The following EXOC4 variants were observed in gnomAD, a reference collection of about 807,000 sequenced individuals.
The protein encoded by EXOC4 is exocyst complex component 4.
In EXOC4, 71 loss-of-function variants were observed where a neutral mutation model predicts 107.2. The ratio of observed to expected loss-of-function variants is 0.66; its 90% CI spans 0.55 to 0.81. The LOEUF (loss-of-function observed/expected upper bound fraction) is 0.81, where lower values mean the gene tolerates loss of function less well. Ranked by LOEUF, EXOC4 falls within the 30% of genes least tolerant of loss-of-function variation. The probability of loss-of-function intolerance (pLI) is 0.00; values close to 1 mark genes in which losing one functional copy is unlikely to be tolerated. For missense variants in EXOC4, 1,108 were observed against 1,189.6 expected, an observed-to-expected ratio of 0.93 and a Z score of 1.01; for synonymous variants, 456 against 441.2, an observed-to-expected ratio of 1.03 and a Z score of -0.42.
At chr7:133,329,661 T>G (rs1354188357) in intron 5 of EXOC4, among the ~76,000 whole-genome samples, 3 of 152,206 alleles carry the variant, frequency 2.0e-5, no homozygotes, top group African/African-American at 7.2e-5. Context: ...GTGTTAGTTT[T>G]CCTTCTAACA....
intron 9 of EXOC4, among the ~76,000 whole-genome samples, chr7:133,489,323 A>G (rs958956114): frequency 2.0e-5 from 3 of 152,210 alleles, no homozygotes; most frequent in Non-Finnish European, 2.9e-5. Context: ...GCACTCATAC[A>G]TTTCATAAAA....
rs765864133 is a variant in EXOC4, at chr7:133,317,370, C to T, written c.743C>T (p.Ser248Phe). The change falls in exon 5 of 18, where the codon TCT becomes TTT. Residue 248 changes from serine (S) to phenylalanine (F), a missense_variant. Ser to Phe is a radical substitution (Grantham distance 155). Transcript: ENST00000253861. The stretch of plus-strand genomic sequence containing the variant: ...AAATTCCTTGATACCTCTCACTATT[C>T]TACTGCTGGAAGCTCAAGTGGTAAG... ...PRKFLDTSHYSTAGSSSVREI... is the reference protein window; with the variant it reads ...PRKFLDTSHYFTAGSSSVREI... The T allele has an allele frequency of 3.7e-6, 6 of 1,607,568 alleles. No homozygotes were observed. The highest frequency in any genetic ancestry group is 5.1e-6 in the Non-Finnish European group (6 of 1,174,136).
chr7:133,698,739 A>G (rs913819633), intron 10 of EXOC4, among the ~76,000 whole-genome samples: 25 of 152,096 alleles, frequency 1.6e-4, no homozygotes, highest in Non-Finnish European at 3.5e-4. Context: ...TATGGCAAGT[A>G]TGTTGGCTAT....
At chr7:133,996,980 A>T (rs950805510) in intron 14 of EXOC4, among the ~76,000 whole-genome samples, 2 of 152,212 alleles carry the variant, frequency 1.3e-5, no homozygotes, top group African/African-American at 4.8e-5. Flanking sequence ...GTAAAATTAG[A>T]GCCAATGATT....
At chr7:133,509,688 G>T (rs1473035906) in intron 9 of EXOC4, among the ~76,000 whole-genome samples, 2 of 152,148 alleles carry the variant, frequency 1.3e-5, no homozygotes, top group Non-Finnish European at 2.9e-5. Context: ...TGTCAAATTG[G>T]AGAGAGAAAT....
At chr7:134,045,485 G>A (rs1335740004) in intron 17 of EXOC4, among the ~76,000 whole-genome samples, 1 of 152,174 alleles carries the variant, frequency 6.6e-6, no homozygotes, top group Non-Finnish European at 1.5e-5. Context: ...AGGAGAACAT[G>A]GAACTGCAGC....
At chr7:133,758,048 A>C (rs1014354880) in intron 10 of EXOC4, among the ~76,000 whole-genome samples, 2 of 152,178 alleles carry the variant, frequency 1.3e-5, no homozygotes, top group African/African-American at 2.4e-5. Context: ...TTGCTAGACT[A>C]TTTAGGAAAA....
chr7:133,506,030 A>G (rs1305919042), intron 9 of EXOC4, among the ~76,000 whole-genome samples: 3 of 152,198 alleles, frequency 2.0e-5, no homozygotes, highest in Non-Finnish European at 2.9e-5. Context: ...GCCTTCTTCA[A>G]CTAGAGTTTT....
rs193086471 is a variant in EXOC4, at chr7:133,340,235, G to A, written c.764-16095G>A. Among the ~76,000 whole-genome samples the A allele has an allele frequency of 1.0e-3, 155 of 152,054 alleles. 2 individuals carry two copies. The highest frequency in any genetic ancestry group is 8.4e-3 in the Admixed American group (129 of 15,274). On this transcript the variant is annotated intron_variant, in intron 5 of 17. Coordinates refer to ENST00000253861, the MANE Select transcript of EXOC4 (RefSeq NM_021807.4). ...TAATCATAAAGTGATGCTGGATTTC[G>A]TCCAATGTTTTTTCTGCATCTATTG...
At chr7:133,902,473 G>C (rs1799474358) in intron 12 of EXOC4, among the ~76,000 whole-genome samples, 1 of 152,184 alleles carries the variant, frequency 6.6e-6, no homozygotes, top group Admixed American at 6.5e-5. Context: ...GAACTAAGCA[G>C]ATTAAATATC....
intron 11 of EXOC4, among the ~76,000 whole-genome samples, chr7:133,820,351 A>G (rs1038618942): frequency 2.4e-4 from 37 of 151,898 alleles, no homozygotes; most frequent in African/African-American, 8.5e-4. Flanking sequence ...TTCCTGCATT[A>G]TAGTGATTGT....
rs570798794 is a variant in EXOC4 at position 133,915,572 on chromosome 7, A to G, written c.1872-2011A>G. Among the ~76,000 whole-genome samples the G allele has an allele frequency of 7.9e-5, 12 of 152,340 alleles. No individual in the cohort carries two copies. The South Asian group carries it at 2.5e-3, about 32-fold the overall frequency. The stretch of plus-strand genomic sequence containing the variant: ...AGCTACTAAGATAAATGGGGAGATG[A>G]ACCTGATCAGAGACAGGTATAAAGA... On this transcript the variant is annotated intron_variant, in intron 12 of 17. Transcript: ENST00000253861.
chr7:133,670,612 A>G (rs188446462), intron 10 of EXOC4, among the ~76,000 whole-genome samples: 20 of 152,236 alleles, frequency 1.3e-4, no homozygotes, highest in Middle Eastern at 3.4e-3. Flanking sequence ...TCACTGTGTA[A>G]CATGTTATAC....
At chr7:133,274,041 GA>G (rs1297414269) in intron 1 of EXOC4, among the ~76,000 whole-genome samples, 1 of 152,142 alleles carries the variant, frequency 6.6e-6, no homozygotes, top group Non-Finnish European at 1.5e-5. Context: ...GATAGTGGGG[GA>G]AACAAAGATC....
In EXOC4 at chr7:133,368,444, C is replaced by G. The variant is rs564397420; in HGVS notation, c.1008-6384C>G. ...GATGCAGCTGGGCCTTAGGAACATCCAGAGTATCTATTATCTCCTTTCCTT... is the reference window on the plus strand; with the variant it reads ...GATGCAGCTGGGCCTTAGGAACATCGAGAGTATCTATTATCTCCTTTCCTT... On this transcript the variant is annotated intron_variant, in intron 6 of 17. Coordinates refer to ENST00000253861, the MANE Select transcript of EXOC4 (RefSeq NM_021807.4). 1.6e-3 allele frequency among the ~76,000 whole-genome samples: 249 copies of G among 152,288 alleles called. 1 individual carries two copies. Among genetic ancestry groups the G allele is most frequent in the African/African-American group, 5.8e-3 (241 of 41,558 alleles).
chr7:133,711,179 C>G (rs141471269), intron 10 of EXOC4, among the ~76,000 whole-genome samples: 191 of 152,314 alleles, frequency 1.3e-3, no homozygotes, highest in African/African-American at 4.3e-3. Context: ...CAATTATTCA[C>G]CCTACATCAT....
intron 10 of EXOC4, among the ~76,000 whole-genome samples, chr7:133,678,438 C>A (rs1179508314): frequency 1.3e-5 from 2 of 152,168 alleles, no homozygotes; most frequent in Non-Finnish European, 2.9e-5. Context: ...CCAACTGTTT[C>A]CCTCATGCTG....
chr7:133,384,734 T>TA (rs1287477843), intron 7 of EXOC4, among the ~76,000 whole-genome samples: 17 of 59,538 alleles, frequency 2.9e-4, no homozygotes, highest in South Asian at 1.1e-3. Context: ...TTAAGCGTAT[T>TA]TAAAAAAAAA....
intron 14 of EXOC4, among the ~76,000 whole-genome samples, chr7:133,940,579 A>G (rs1431705574): frequency 6.6e-6 from 1 of 152,188 alleles, no homozygotes; most frequent in Non-Finnish European, 1.5e-5. Context: ...TGCTAAAACA[A>G]AGCATCAAGC....
Sources: allele counts gnomAD v4.1 joint callset (sites outside exome capture counted in the v4.1 genomes callset), GRCh38; gene constraint gnomAD v4.1.1; transcripts MANE v1.5; gene names NCBI Gene and HGNC (gene_info 2026-07-23, HGNC 2026-07-21).